Variants in CDK11A observed in about 807,000 individuals in gnomAD.
The protein encoded by CDK11A is cyclin dependent kinase 11A.
In CDK11A, 55 loss-of-function variants were observed where a neutral mutation model predicts 83.6. The ratio of observed to expected loss-of-function variants is 0.66; its 90% CI spans 0.53 to 0.82. The LOEUF is 0.82. CDK11A is among the 40% of genes least tolerant of loss of function. The pLI is 0.00. For missense variants in CDK11A, 564 were observed against 810.1 expected (o/e 0.70, Z 3.69); for synonymous variants, 247 against 302.7 (o/e 0.82, Z 1.91).
intron 3 of CDK11A, among the ~76,000 whole-genome samples, chr1:1,720,050 T>C (rs1240449529): frequency 3.3e-5 from 5 of 151,010 alleles, no homozygotes; most frequent in African/African-American, 1.2e-4. Context: ...TTCAGGGGCA[T>C]GTAAAAATAC....
At chr1:1,703,796 A>G (rs1358510566) in intron 17 of CDK11A, 28 bp downstream of exon 17, 2 of 1,607,744 alleles carry the variant, frequency 1.2e-6, no homozygotes, top group African/African-American at 2.7e-5. Context: ...TGAAATCCAT[A>G]GCGCACCTGC....
intron 4 of CDK11A, among the ~76,000 whole-genome samples, 197 bp from the exon 5 acceptor site, chr1:1,716,675 G>A (rs140467437): frequency 0.011 from 1,642 of 150,194 alleles, 62 homozygotes; most frequent in African/African-American, 0.037. Flanking sequence ...TTAGCTGGGC[G>A]TGGTGGCAGG....
Position 1,704,154 on chromosome 1 carries a change from G to A in CDK11A, c.1687-8C>T, listed in dbSNP as rs527644457. 151 of 1,606,820 alleles carry A rather than the reference G, an allele frequency of 9.4e-5. 9 individuals carry two copies. The highest frequency in any genetic ancestry group is 2.7e-4 in the South Asian group (24 of 90,526). ...CAGCCCAAAATCACCCACCTGCAAC[G>A]ACAGATGGGCGGCTGTGGGTGGGCC... is the stretch of plus-strand genomic sequence containing the variant. On this transcript the variant is annotated splice_polypyrimidine_tract_variant and splice_region_variant and intron_variant, in intron 15 of 19. Transcript: ENST00000404249.
Position 1,702,558 on chromosome 1 carries a change from G to A in CDK11A, c.*349C>T, listed in dbSNP as rs1644126838. Among the ~76,000 whole-genome samples the A allele has an allele frequency of 1.8e-5, 2 of 109,454 alleles. No individual in the cohort carries two copies. Among genetic ancestry groups the A allele is most frequent in the Non-Finnish European group, 4.1e-5 (2 of 49,368 alleles). 71.8% of individuals were successfully genotyped at this position (109,454 alleles called of 152,430 possible). A position where few individuals can be genotyped will look rare whatever the true frequency, so the allele number is the denominator to read the frequency against. ...CATCGCTCATCCCAACACAGAAACA[G>A]GTCTCCAGCTCCGAAGATTAAACAA... is the stretch of plus-strand genomic sequence containing the variant. On this transcript the variant is annotated 3_prime_UTR_variant, in exon 20 of 20. Transcript: ENST00000404249.
In CDK11A at chr1:1,704,331, G is replaced by C. The variant is rs562565262; in HGVS notation, c.1578C>G (p.Thr526=). Residue 526 remains threonine, a synonymous_variant, in exon 15 of 20, where the codon ACC becomes ACG. Transcript: ENST00000404249. The part of the protein sequence containing the change: ...KQPFLPGEVK[T]LMIQLLRGVK... ...CCCCCCGCAGCAGCTGGATCATCAG[G>C]GTCTTCACCTCCCCTGGGAGGGAGG... is the stretch of plus-strand genomic sequence containing the variant. 2.4e-5 allele frequency: 38 copies of C among 1,607,218 alleles called. 3 individuals carry two copies. The highest frequency in any genetic ancestry group is 3.1e-5 in the Non-Finnish European group (37 of 1,176,142).
At chr1:1,704,760 G>A (rs964407448) in intron 13 of CDK11A, 105 bp from the exon 14 acceptor site, 4 of 1,599,086 alleles carry the variant, frequency 2.5e-6, no homozygotes, top group Non-Finnish European at 3.4e-6. Flanking sequence ...GTGCCACCCG[G>A]GAGGCAAATA....
intron 4 of CDK11A, among the ~76,000 whole-genome samples, chr1:1,717,814 C>T (rs111379690): frequency 1.8e-4 from 22 of 123,916 alleles, no homozygotes; most frequent in East Asian, 7.4e-4. Context: ...GACACACGCA[C>T]GCTTTCAGCT....
intron 3 of CDK11A, among the ~76,000 whole-genome samples, chr1:1,720,585 G>A (rs1644868683): frequency 6.7e-6 from 1 of 149,828 alleles, no homozygotes; most frequent in Non-Finnish European, 1.5e-5. Flanking sequence ...TTTTAGTAGA[G>A]ACGGGGTTTC....
intron 3 of CDK11A, among the ~76,000 whole-genome samples, chr1:1,720,313 G>A (rs895741657): frequency 3.3e-5 from 5 of 150,328 alleles, no homozygotes; most frequent in African/African-American, 7.4e-5. Context: ...TAGCCAGGGT[G>A]GTCTCGATCT....
rs113456986 is a variant in CDK11A, at chr1:1,719,916, A to G, written c.228-461T>C. ...AGGCGTGAGCCACCGCGCCCGGCCTAGGAGTCTTAAGATTCAGATGAAAAA... is the reference window on the plus strand; with the variant it reads ...AGGCGTGAGCCACCGCGCCCGGCCTGGGAGTCTTAAGATTCAGATGAAAAA... On this transcript the variant is annotated intron_variant, in intron 3 of 19. Coordinates refer to ENST00000404249, the MANE Select transcript of CDK11A (RefSeq NM_024011.4). Among the ~76,000 whole-genome samples the G allele has an allele frequency of 7.7e-3, 1,144 of 148,320 alleles. 35 individuals are homozygous for G. Among genetic ancestry groups the G allele is most frequent in the African/African-American group, 0.027 (1,093 of 40,422 alleles).
chr1:1,716,616 C>G lies in CDK11A; in HGVS notation c.356-138G>C, dbSNP rs1212131280. The G allele has an allele frequency of 7.0e-5, 53 of 760,804 alleles. No individual in the cohort carries two copies. The East Asian group carries it at 1.5e-3, about 21-fold the overall frequency. 47.1% of individuals were successfully genotyped at this position (760,804 alleles called of 1,614,324 possible). A position where few individuals can be genotyped will look rare whatever the true frequency, so the allele number is the denominator to read the frequency against. ...ATCACCTGAGGTCAGGAGTTCAAAA[C>G]CAGCCTGGCCAACATGGTGAAACCC... On this transcript the variant is annotated intron_variant, in intron 4 of 19. Transcript: ENST00000404249.
chr1:1,721,173 A>G (rs1189637135), intron 3 of CDK11A, among the ~76,000 whole-genome samples: 1 of 143,172 alleles, frequency 7.0e-6, no homozygotes, highest in Non-Finnish European at 1.6e-5. Flanking sequence ...AGCCTGGGTG[A>G]GCAAGACTCT....
chr1:1,704,413 C>T lies in CDK11A; in HGVS notation c.1565-69G>A, dbSNP rs903801151. ...CCCAGGGCACTCAGGGTGGCCCGCTCGCCTCGGCAGCAACAGAGGCTTCTC... is the reference window on the plus strand; with the variant it reads ...CCCAGGGCACTCAGGGTGGCCCGCTTGCCTCGGCAGCAACAGAGGCTTCTC... On this transcript the variant is annotated intron_variant, in intron 14 of 19. Transcript: ENST00000404249. 1.3e-5 allele frequency: 21 copies of T among 1,583,398 alleles called. 2 individuals carry two copies. The highest frequency in any genetic ancestry group is 5.4e-5 in the African/African-American group (4 of 73,746).
chr1:1,704,052 A>G lies in CDK11A; in HGVS notation c.1781T>C (p.Leu594Pro), dbSNP rs1386983147. ...VTQWYRAPELLLGAKEYSTAV... is the reference protein window; with the variant it reads ...VTQWYRAPELPLGAKEYSTAV... The stretch of plus-strand genomic sequence containing the variant: ...CCCAGGACTCACCTTGGCACCAAGC[A>G]GCAGCTCTGGGGCGCGGTACCACTG... The change falls in exon 16 of 20, where the codon CTG becomes CCG. Residue 594 changes from leucine (L) to proline (P), a missense_variant. Leu to Pro is a moderately conservative substitution (Grantham distance 98). This residue lies in a region of CDK11A where 361 missense variants were observed against 402.7 expected (regional missense o/e 0.90). Coordinates refer to ENST00000404249, the MANE Select transcript of CDK11A (RefSeq NM_024011.4). The G allele has an allele frequency of 3.8e-6, 6 of 1,595,884 alleles. 2 individuals are homozygous for G. The Admixed American group carries it at 6.8e-5, about 18-fold the overall frequency.
rs1164936993 is a variant in CDK11A, at chr1:1,723,235, TAA to T, written c.-13-406_-13-405del. Among the ~76,000 whole-genome samples, 36 of 49,304 alleles carry T rather than the reference TAA, an allele frequency of 7.3e-4. 5 individuals carry two copies. Among genetic ancestry groups the T allele is most frequent in the African/African-American group, 2.1e-3 (29 of 13,930 alleles). 32.3% of individuals were successfully genotyped at this position (49,304 alleles called of 152,430 possible). ...CCTAGATAACAAAGTAAGACTTGGTTAAAAAAAAAAAAAAAAAAAGGTAAGCT... is the reference window on the plus strand; with the variant it reads ...CCTAGATAACAAAGTAAGACTTGGTTAAAAAAAAAAAAAAAAAGGTAAGCT... On this transcript the variant is annotated intron_variant, in intron 1 of 19. Transcript: ENST00000404249.
chr1:1,720,937 C>T (rs1377470969), intron 3 of CDK11A, among the ~76,000 whole-genome samples: 24 of 151,042 alleles, frequency 1.6e-4, no homozygotes, highest in Non-Finnish European at 1.5e-4. Flanking sequence ...AACAGCATGC[C>T]CTGTCACAGT....
At chr1:1,706,634 C>T (rs1644322186) in intron 11 of CDK11A, among the ~76,000 whole-genome samples, 2 of 151,408 alleles carry the variant, frequency 1.3e-5, no homozygotes, top group Non-Finnish European at 3.0e-5. Context: ...ACGGGCCCTA[C>T]CTGCCAGGCG....
chr1:1,722,870 A>T, intron 1 of CDK11A, 39 bp from the exon 2 acceptor site: 4 of 866,150 alleles, frequency 4.6e-6, no homozygotes, highest in Non-Finnish European at 6.6e-6. Flanking sequence ...ATCAGGACAC[A>T]GCAAGCTATG....
intron 4 of CDK11A, among the ~76,000 whole-genome samples, chr1:1,717,615 A>G (rs1260382206): frequency 6.8e-5 from 3 of 44,064 alleles, no homozygotes; most frequent in Admixed American, 3.1e-4. Context: ...GCTTTCAGCT[A>G]GAGTTTGCTC....
Sources: gnomAD v4.1 joint callset for allele counts (sites outside exome capture counted in the v4.1 genomes callset) on GRCh38, gnomAD v4.1.1 for gene constraint, gnomAD v4.1.1 regional missense constraint, MANE v1.5 for transcripts, NCBI Gene and HGNC (gene_info 2026-07-23, HGNC 2026-07-21) for gene names.